TSC2: variants seen among roughly 807,000 people sequenced by gnomAD.
The protein encoded by TSC2 is tuberin.
TSC2 carries 29 observed loss-of-function variants against 202.2 expected under a neutral mutation model. The observed-to-expected ratio is 0.14, with a 90% CI of 0.11 to 0.20. The LOEUF (loss-of-function observed/expected upper bound fraction) is 0.20. Among genes scored for constraint, TSC2 ranks in the 10% least tolerant of loss-of-function variants. The pLI is 1.00. For synonymous variants in TSC2, 1,349 were observed against 1,044.0 expected, an observed-to-expected ratio of 1.29 and a Z score of -5.63; for missense variants, 2,429 against 2,420.0, an observed-to-expected ratio of 1.00 and a Z score of -0.08.
At position 2,084,733 on chromosome 16, in the gene TSC2, G is replaced by A. The variant is rs45454201; in HGVS notation, c.4493+18G>A. The A allele has an allele frequency of 3.2e-4, 507 of 1,598,412 alleles. 1 individual carries two copies. In the East Asian group the frequency reaches 8.6e-3, roughly 27 times the overall value. ...AACCCCAGGTGGGCCTCTTGCTTCCGGGCGGGGCTCCTGACACCTCTCCTG... is the reference window on the plus strand; with the variant it reads ...AACCCCAGGTGGGCCTCTTGCTTCCAGGCGGGGCTCCTGACACCTCTCCTG... On this transcript the variant is annotated intron_variant, in intron 34 of 41. Transcript: ENST00000219476.
rs181095135 is a variant in TSC2 at position 2,051,933 on chromosome 16, C to T, written c.226-1409C>T. ...TACAAAAATTAGCTGGGCATGGTGT[C>T]GGGCACCTGTAATCCCAGCTACTTG... On this transcript the variant is annotated intron_variant, in intron 3 of 41. Transcript: ENST00000219476. 4.4e-4 allele frequency among the ~76,000 whole-genome samples: 67 copies of T among 152,258 alleles called. No individual in the cohort carries two copies. The East Asian group carries it at 7.5e-3, about 17-fold the overall frequency.
Position 2,088,522 on chromosome 16 carries a change from A to G in TSC2, c.5336A>G (p.Gln1779Arg), listed in dbSNP as rs748947919. 7.4e-6 allele frequency: 12 copies of G among 1,612,336 alleles called. No individual in the cohort carries two copies. Among genetic ancestry groups the G allele is most frequent in the Non-Finnish European group, 1.0e-5 (12 of 1,179,894 alleles). The change falls in exon 42 of 42, where the codon CAG becomes CGG. Residue 1779 changes from glutamine to arginine, a missense_variant. Gln to Arg is a conservative substitution (Grantham distance 43, BLOSUM62 1). Coordinates refer to ENST00000219476, the MANE Select transcript of TSC2 (RefSeq NM_000548.5). The stretch of plus-strand genomic sequence containing the variant: ...CCGTCCCATAGCAAAGCCCCTGCAC[A>G]GACTCCAGCCGAGCCCACACCTGGC... ...HPPSHSKAPA[Q>R]TPAEPTPGYE... is the part of the protein sequence containing the mutation.
Position 2,062,611 on chromosome 16 carries a change from C to T in TSC2, c.1361+11C>T. ...GGAGAGATTCTTCAGGTAGGGGGTC[C>T]TCTGTAGCCTTGCCTGGCACCTGGA... On this transcript the variant is annotated intron_variant, in intron 13 of 41. Coordinates refer to ENST00000219476, the MANE Select transcript of TSC2 (RefSeq NM_000548.5). 1 of 1,597,480 alleles carries T rather than the reference C, an allele frequency of 6.3e-7. No individual in the cohort carries two copies. The highest frequency in any genetic ancestry group is 8.5e-7 in the Non-Finnish European group (1 of 1,171,372).
In TSC2 at chr16:2,062,463, G is replaced by A. The variant is rs960177130; in HGVS notation, c.1258-34G>A. ...GTGTGGAGAAGGAGAGCGCCGGAGGGGCAGAGGGGCAACACCGGCTCTTCT... is the reference window on the plus strand; with the variant it reads ...GTGTGGAGAAGGAGAGCGCCGGAGGAGCAGAGGGGCAACACCGGCTCTTCT... On this transcript the variant is annotated intron_variant, in intron 12 of 41. Transcript: ENST00000219476. 8 of 1,573,348 alleles carry A rather than the reference G, an allele frequency of 5.1e-6. No homozygotes were observed. The African/African-American group carries it at 6.7e-5, about 13-fold the overall frequency.
intron 19 of TSC2, 60 bp downstream of exon 19, chr16:2,071,994 C>G (rs2151310899): frequency 6.6e-7 from 1 of 1,515,978 alleles, no homozygotes; most frequent in African/African-American, 1.4e-5. Context: ...CAGGGAGCTG[C>G]CACCTGCCTG....
intron 9 of TSC2, 43 bp from the exon 10 acceptor site, chr16:2,058,704 C>CAGG (rs2086215166): frequency 6.4e-7 from 1 of 1,556,216 alleles, no homozygotes; most frequent in African/African-American, 1.4e-5. Flanking sequence ...GACCCTGGGA[C>CAGG]AGGGCCCTGC....
chr16:2,086,782 C>T lies in TSC2; in HGVS notation c.4900C>T (p.Arg1634Cys), dbSNP rs760457821. ...GCCCACCAAGGACGTGGACAAGCAC[C>T]GCTGCGACAAGAAGCGCCACCTGGG... is the stretch of plus-strand genomic sequence containing the variant. ...LMPTKDVDKH[R>C]CDKKRHLGND... The change falls in exon 38 of 42, where the codon CGC becomes TGC. Residue 1634 changes from arginine (R) to cysteine (C), a missense_variant. Physicochemically the swap from Arg to Cys is radical, Grantham distance 180. Transcript: ENST00000219476. 7 of 1,611,454 alleles carry T rather than the reference C, an allele frequency of 4.3e-6. No individual in the cohort carries two copies. Among genetic ancestry groups the T allele is most frequent in the East Asian group, 2.2e-5 (1 of 44,866 alleles).
At chr16:2,067,297 G>A (rs2087527800) in intron 16 of TSC2, among the ~76,000 whole-genome samples, 1 of 151,986 alleles carries the variant, frequency 6.6e-6, no homozygotes, top group Non-Finnish European at 1.5e-5. Flanking sequence ...AAGTAGCTGG[G>A]ACCATAGGCA....
intron 3 of TSC2, among the ~76,000 whole-genome samples, chr16:2,052,988 G>C (rs2085316533): frequency 6.6e-6 from 1 of 152,184 alleles, no homozygotes; most frequent in Non-Finnish European, 1.5e-5. Context: ...TTCTGAGACT[G>C]TCCCATGACT....
chr16:2,050,576 A>C, intron 3 of TSC2, 90 bp downstream of exon 3: 20 of 927,224 alleles, frequency 2.2e-5, no homozygotes, highest in Non-Finnish European at 3.1e-5. Flanking sequence ...TTGACAGCTG[A>C]CTGCCGATGA....
Position 2,048,008 on chromosome 16 carries a change from A to G in TSC2, c.-87A>G, listed in dbSNP as rs886051785. 5.4e-5 allele frequency: 80 copies of G among 1,485,868 alleles called. 1 individual carries two copies. Among genetic ancestry groups the G allele is most frequent in the Middle Eastern group, 5.3e-4 (3 of 5,666 alleles). 92.0% of individuals were successfully genotyped at this position (1,485,868 alleles called of 1,614,324 possible). ...GCGCTTCCGGCGGCGTCCCGGGGCC[A>G]GGGGGGTGCGCCTTTCTCCGCGTCG... On this transcript the variant is annotated 5_prime_UTR_variant, in exon 1 of 42. Transcript: ENST00000219476.
At position 2,072,523 on chromosome 16, in the gene TSC2, T is replaced by C; in HGVS notation, c.2220+160T>C. 3 of 1,186,472 alleles carry C rather than the reference T, an allele frequency of 2.5e-6. No homozygotes were observed. In the Admixed American group the frequency reaches 7.1e-5, roughly 28 times the overall value. 73.5% of individuals were successfully genotyped at this position (1,186,472 alleles called of 1,614,324 possible). ...AGCGCAGATTGTGCCTTGGGCAGGGTGGAGGGACCCCTGCCCCAGCTCGCA... is the reference window on the plus strand; with the variant it reads ...AGCGCAGATTGTGCCTTGGGCAGGGCGGAGGGACCCCTGCCCCAGCTCGCA... On this transcript the variant is annotated intron_variant, in intron 20 of 41. Transcript: ENST00000219476.
intron 6 of TSC2, 183 bp from the exon 7 acceptor site, chr16:2,056,013 A>G: frequency 5.7e-6 from 4 of 707,532 alleles, no homozygotes; most frequent in South Asian, 4.6e-5. Context: ...CTCATGCTGA[A>G]CACCCAGCAC....
chr16:2,060,920 A>AT, intron 11 of TSC2, 107 bp downstream of exon 11: 1 of 1,392,176 alleles, frequency 7.2e-7, no homozygotes, highest in African/African-American at 1.4e-5. Context: ...TCCCGCAGAG[A>AT]CTGCCAGAAC....
chr16:2,072,300 T>C lies in TSC2; in HGVS notation c.2157T>C (p.Tyr719=), dbSNP rs902456479. 1.9e-6 allele frequency: 3 copies of C among 1,614,048 alleles called. No individual in the cohort carries two copies. In the African/African-American group the frequency reaches 4.0e-5, roughly 22 times the overall value. The change falls in exon 20 of 42, where the codon TAT becomes TAC. Residue 719 remains tyrosine (Y), a synonymous_variant. Transcript: ENST00000219476. ...VLGRLPESLR[Y]KVLIFTSPCS... ...GCAGGCTGCCTGAGTCCCTGCGCTA[T>C]AAAGTGCTCATCTTTACTTCCCCTT...
At chr16:2,069,970 A>G (rs1020075312) in intron 16 of TSC2, among the ~76,000 whole-genome samples, 6 of 152,192 alleles carry the variant, frequency 3.9e-5, no homozygotes, top group Non-Finnish European at 7.3e-5. Context: ...ATTTCTTTAA[A>G]AGAATAACAG....
intron 38 of TSC2, among the ~76,000 whole-genome samples, chr16:2,087,570 G>A (rs1015464026): frequency 1.6e-4 from 24 of 152,026 alleles, no homozygotes; most frequent in African/African-American, 5.3e-4. Flanking sequence ...CTGGGCAGAC[G>A]GATTCGGACG....
intron 10 of TSC2, among the ~76,000 whole-genome samples, chr16:2,060,315 C>T (rs1360885046): frequency 1.3e-5 from 2 of 152,194 alleles, no homozygotes; most frequent in Admixed American, 1.3e-4. Flanking sequence ...ACCCCCCTCC[C>T]CGTAGGGGCG....
intron 16 of TSC2, chr16:2,066,186 G>C (rs1239961875): frequency 6.4e-6 from 1 of 156,608 alleles, no homozygotes; most frequent in Non-Finnish European, 1.4e-5. Context: ...TCCTGTCTCT[G>C]TGGATTTACC....
Sources: gnomAD v4.1 joint callset for allele counts (sites outside exome capture counted in the v4.1 genomes callset) on GRCh38, gnomAD v4.1.1 for gene constraint, MANE v1.5 for transcripts, NCBI Gene and HGNC (gene_info 2026-07-23, HGNC 2026-07-21) for gene names.